The following ATP9A variants were observed in gnomAD, a reference collection of about 807,000 sequenced individuals.
ATP9A encodes ATPase phospholipid transporting 9A.
A neutral mutation model predicts 144.1 loss-of-function variants in ATP9A; 52 were observed. The ratio of observed to expected loss-of-function variants is 0.36; its 90% CI spans 0.29 to 0.45. ATP9A has a LOEUF of 0.45. Among genes scored for constraint, ATP9A ranks in the 20% least tolerant of loss-of-function variants. The pLI is 1.00. For synonymous variants in ATP9A, 582 were observed against 557.4 expected (o/e 1.04, Z -0.62); for missense variants, 947 against 1,392.7 (o/e 0.68, Z 5.09).
rs549326623 is a variant in ATP9A, at chr20:51,680,446, C to T, written c.800-4238G>A. On this transcript the variant is annotated intron_variant, in intron 9 of 27. Coordinates refer to ENST00000338821, the MANE Select transcript of ATP9A (RefSeq NM_006045.3). Reference sequence around the variant, plus strand: ...TCCTCAACCTGGGCTCTGTAACATCCAGGCCACCTTCTCTGCCAAGCTCCT... The same window carrying T: ...TCCTCAACCTGGGCTCTGTAACATCTAGGCCACCTTCTCTGCCAAGCTCCT... 5.9e-5 allele frequency among the ~76,000 whole-genome samples: 9 copies of T among 152,118 alleles called. No homozygotes were observed. In the South Asian group the frequency reaches 1.5e-3, roughly 25 times the overall value.
intron 9 of ATP9A, among the ~76,000 whole-genome samples, chr20:51,688,113 T>A (rs1216954288): frequency 6.6e-6 from 1 of 152,174 alleles, no homozygotes; most frequent in Non-Finnish European, 1.5e-5. Flanking sequence ...ATCTGCAGAA[T>A]GAGCATAATA....
At chr20:51,756,255 G>C (rs147953439) in intron 1 of ATP9A, among the ~76,000 whole-genome samples, 4 of 150,810 alleles carry the variant, frequency 2.7e-5, no homozygotes, top group African/African-American at 9.7e-5. Context: ...TCCTCACACG[G>C]TCTTTTCTCT....
chr20:51,753,753 G>A (rs1249797484), intron 1 of ATP9A, among the ~76,000 whole-genome samples: 2 of 147,378 alleles, frequency 1.4e-5, no homozygotes, highest in African/African-American at 2.5e-5. Context: ...TGCAACCTCC[G>A]CCTCCCAGGT....
intron 13 of ATP9A, among the ~76,000 whole-genome samples, chr20:51,660,099 A>T (rs2077404985): frequency 6.6e-6 from 1 of 152,198 alleles, no homozygotes; most frequent in Admixed American, 6.5e-5. Flanking sequence ...AAATTCTATA[A>T]TTTAGGTTCT....
At position 51,671,174 on chromosome 20, in the gene ATP9A, C is replaced by A; in HGVS notation, c.1121G>T (p.Arg374Leu). Residue 374 changes from arginine to leucine, a missense_variant, in exon 12 of 28, where the codon CGC becomes CTC. This residue lies in a region of ATP9A where 770 missense variants were observed against 1,047.9 expected (regional missense o/e 0.73). Coordinates refer to ENST00000338821, the MANE Select transcript of ATP9A (RefSeq NM_006045.3). Reference protein sequence around the residue: ...RDSKIPGTVVRSSTIPEQLGR... With the variant: ...RDSKIPGTVVLSSTIPEQLGR... ...CAGCTGCTCAGGAATCGTGCTGGAG[C>A]GAACCACGGTCCCGGGGATTTTCGA... 6.2e-7 allele frequency: 1 copy of A among 1,614,106 alleles called. No homozygotes were observed. The highest frequency in any genetic ancestry group is 8.5e-7 in the Non-Finnish European group (1 of 1,179,984).
At position 51,597,466 on chromosome 20, in the gene ATP9A, T is replaced by C. The variant is rs573339275; in HGVS notation, c.*3745A>G. 15 of 152,224 alleles carry C rather than the reference T, an allele frequency of 9.9e-5. No homozygotes were observed. The highest frequency in any genetic ancestry group is 3.9e-4 in the Admixed American group (6 of 15,284). The allele number at this position is 152,224 out of a possible 1,614,324, so 9.4% of individuals were successfully genotyped here. A position where few individuals can be genotyped will look rare whatever the true frequency, so the allele number is the denominator to read the frequency against. Reference sequence around the variant, plus strand: ...AAAACAAAGCTGGGAGTGATAGAATTTTAATGCAATGAAAACCAAATAATT... The same window carrying C: ...AAAACAAAGCTGGGAGTGATAGAATCTTAATGCAATGAAAACCAAATAATT... On this transcript the variant is annotated 3_prime_UTR_variant, in exon 28 of 28. Transcript: ENST00000338821.
At chr20:51,654,458 G>T (rs948792250) in intron 14 of ATP9A, among the ~76,000 whole-genome samples, 1 of 151,324 alleles carries the variant, frequency 6.6e-6, no homozygotes, top group African/African-American at 2.4e-5. Flanking sequence ...TTCCTAAAAT[G>T]GGTTAAAAAA....
In ATP9A at chr20:51,652,526, T is replaced by C. The variant is rs74385683; in HGVS notation, c.1506+4412A>G. Among the ~76,000 whole-genome samples, 954 of 152,352 alleles carry C rather than the reference T, an allele frequency of 6.3e-3. 7 individuals carry two copies. Among genetic ancestry groups the C allele is most frequent in the African/African-American group, 0.021 (882 of 41,582 alleles). On this transcript the variant is annotated intron_variant, in intron 14 of 27. Transcript: ENST00000338821. ...ACGATTCTAGAGCCAGCCAAGTCTA[T>C]GCAGAATCCTACAGGGACTTGGAAA...
chr20:51,657,291 C>A (rs2077391253), intron 13 of ATP9A, 141 bp from the exon 14 acceptor site: 114 of 556,800 alleles, frequency 2.0e-4, no homozygotes, highest in South Asian at 6.0e-4. Context: ...AATGATGCTG[C>A]AAATAAATGA....
intron 3 of ATP9A, 67 bp downstream of exon 3, chr20:51,725,752 G>C: frequency 2.6e-6 from 3 of 1,156,278 alleles, no homozygotes; most frequent in Non-Finnish European, 2.6e-6. Flanking sequence ...GCCTAAGTGA[G>C]AGAAACAAAG....
chr20:51,761,681 A>C (rs561345137), intron 1 of ATP9A, among the ~76,000 whole-genome samples: 176 of 151,730 alleles, frequency 1.2e-3, no homozygotes, highest in African/African-American at 4.1e-3. Flanking sequence ...AATGGCGCGA[A>C]CCCGGAAGGC....
chr20:51,632,548 C>A (rs1465068917), intron 15 of ATP9A, among the ~76,000 whole-genome samples: 1 of 152,122 alleles, frequency 6.6e-6, no homozygotes, highest in Non-Finnish European at 1.5e-5. Flanking sequence ...CTGCTCTCCA[C>A]CTATGACATG....
chr20:51,660,318 C>A (rs1042848070), intron 13 of ATP9A, among the ~76,000 whole-genome samples: 8 of 152,176 alleles, frequency 5.3e-5, no homozygotes, highest in African/African-American at 1.9e-4. Context: ...TTCATATCTA[C>A]AAAAGTCAAA....
At chr20:51,753,656 CTTTT>C (rs1440552712) in intron 1 of ATP9A, among the ~76,000 whole-genome samples, 3 of 143,482 alleles carry the variant, frequency 2.1e-5, no homozygotes, top group Non-Finnish European at 4.6e-5. Flanking sequence ...TCTCATTTTT[CTTTT>C]TCTTTCTTTT....
intron 1 of ATP9A, among the ~76,000 whole-genome samples, chr20:51,750,227 C>T (rs2077825540): frequency 6.6e-6 from 1 of 152,172 alleles, no homozygotes; most frequent in South Asian, 2.1e-4. Context: ...GCTCTGTCTG[C>T]AGCCTCTGAT....
intron 1 of ATP9A, among the ~76,000 whole-genome samples, chr20:51,744,887 TG>T (rs1412442696): frequency 6.6e-6 from 1 of 152,168 alleles, no homozygotes; most frequent in African/African-American, 2.4e-5. Context: ...CCCAGTACTT[TG>T]GGAGGCCGAG....
rs1345849745 is a variant in ATP9A, at chr20:51,613,786, A to C, written c.2462T>G (p.Phe821Cys). The C allele has an allele frequency of 1.2e-6, 2 of 1,614,108 alleles. No homozygotes were observed. Among genetic ancestry groups the C allele is most frequent in the Non-Finnish European group, 8.5e-7 (1 of 1,180,008 alleles). ...CATAAGCAACCGGCCAAGATGCTTA[A>C]ATTGAGTGATGGAGAAGTCTGCAGC... ...SLAADFSITQ[F>C]KHLGRLLMVH... is the part of the protein sequence containing the mutation. Residue 821 changes from phenylalanine (F) to cysteine (C), a missense_variant, in exon 23 of 28, where the codon TTT becomes TGT. By Grantham distance (205) the Phe-to-Cys change is radical (BLOSUM62 -2). Coordinates refer to ENST00000338821, the MANE Select transcript of ATP9A (RefSeq NM_006045.3).
intron 4 of ATP9A, 57 bp from the exon 5 acceptor site, chr20:51,697,539 G>A (rs13044892): frequency 0.044 from 67,804 of 1,543,242 alleles, 2,290 homozygotes; most frequent in African/African-American, 0.16. Flanking sequence ...AATTCAACAC[G>A]TCTTTACAGA....
chr20:51,644,469 A>T (rs2077333904), intron 14 of ATP9A, among the ~76,000 whole-genome samples: 1 of 149,356 alleles, frequency 6.7e-6, no homozygotes, highest in Non-Finnish European at 1.5e-5. Flanking sequence ...GATGGGTTTC[A>T]CCATGTTAGT....
Sources: allele counts gnomAD v4.1 joint callset (sites outside exome capture counted in the v4.1 genomes callset), GRCh38; gene constraint gnomAD v4.1.1; regional missense constraint gnomAD v4.1.1; transcripts MANE v1.5; gene names NCBI Gene and HGNC (gene_info 2026-07-23, HGNC 2026-07-21).